Variants in GRIK2 observed in about 807,000 individuals in gnomAD.
The protein encoded by GRIK2 is glutamate ionotropic receptor kainate type subunit 2.
GRIK2 carries 32 observed loss-of-function variants against 100.3 expected under a neutral mutation model. The ratio of observed to expected loss-of-function variants is 0.32; its 90% CI spans 0.24 to 0.43. The LOEUF (loss-of-function observed/expected upper bound fraction) is 0.43. Ranked by LOEUF, GRIK2 falls within the 20% of genes least tolerant of loss-of-function variation. GRIK2 has a pLI of 1.00. For missense variants in GRIK2, 843 were observed against 1,114.9 expected, an observed-to-expected ratio of 0.76 and a Z score of 3.47; for synonymous variants, 417 against 389.4, an observed-to-expected ratio of 1.07 and a Z score of -0.83.
chr6:101,548,090 A>G (rs1582690466), intron 2 of GRIK2, among the ~76,000 whole-genome samples: 1 of 151,774 alleles, frequency 6.6e-6, no homozygotes, highest in African/African-American at 2.4e-5. Context: ...GCATTTTTTC[A>G]TGTGTCTTTT....
At chr6:101,920,547 C>T (rs1244152681) in intron 12 of GRIK2, among the ~76,000 whole-genome samples, 1 of 151,724 alleles carries the variant, frequency 6.6e-6, no homozygotes, top group Admixed American at 6.6e-5. Context: ...AAATACTGAG[C>T]GATAGTCATC....
intron 4 of GRIK2, among the ~76,000 whole-genome samples, chr6:101,650,354 G>A (rs867959477): frequency 1.9e-4 from 29 of 152,214 alleles, no homozygotes; most frequent in Admixed American, 1.2e-3. Flanking sequence ...ACCAATGTGA[G>A]GAAAAGGATA....
At chr6:101,763,774 T>C (rs535900616) in intron 7 of GRIK2, among the ~76,000 whole-genome samples, 1 of 152,298 alleles carries the variant, frequency 6.6e-6, no homozygotes, top group Non-Finnish European at 1.5e-5. Flanking sequence ...ATCTATATAG[T>C]CACATGGGAC....
At chr6:101,975,618 A>G (rs185291329) in intron 14 of GRIK2, among the ~76,000 whole-genome samples, 83 of 152,062 alleles carry the variant, frequency 5.5e-4, no homozygotes, top group Middle Eastern at 3.4e-3. Flanking sequence ...GACTTGAGGA[A>G]ATAGAAACAG....
intron 7 of GRIK2, among the ~76,000 whole-genome samples, chr6:101,759,395 G>C (rs368201804): frequency 8.1e-4 from 124 of 152,250 alleles, no homozygotes; most frequent in Admixed American, 4.9e-3. Flanking sequence ...CCCAAAGCTA[G>C]ATGTCTCTTT....
intron 7 of GRIK2, among the ~76,000 whole-genome samples, chr6:101,798,865 T>C (rs1373172458): frequency 6.6e-6 from 1 of 152,108 alleles, no homozygotes; most frequent in Non-Finnish European, 1.5e-5. Flanking sequence ...AACATTTTAT[T>C]TTTTTATCAT....
intron 2 of GRIK2, among the ~76,000 whole-genome samples, chr6:101,452,854 T>C (rs938341112): frequency 6.6e-6 from 1 of 151,882 alleles, no homozygotes; most frequent in Non-Finnish European, 1.5e-5. Flanking sequence ...ATGTTGTCCA[T>C]AGAAATATTC....
chr6:101,565,949 A>G (rs1582729453), intron 2 of GRIK2, among the ~76,000 whole-genome samples: 1 of 145,426 alleles, frequency 6.9e-6, no homozygotes, highest in South Asian at 2.1e-4. Context: ...ATATATATAT[A>G]TATATATATA....
intron 2 of GRIK2, among the ~76,000 whole-genome samples, chr6:101,407,424 T>A (rs1775650583): frequency 6.6e-6 from 1 of 152,118 alleles, no homozygotes; most frequent in Admixed American, 6.5e-5. Context: ...TTACCCTGGC[T>A]GCCAAAATTC....
At chr6:101,859,618 T>A in intron 11 of GRIK2, 125 bp downstream of exon 11, 1 of 638,202 alleles carries the variant, frequency 1.6e-6, no homozygotes, top group Non-Finnish European at 2.8e-6. Flanking sequence ...CCTTCAATAA[T>A]TTTATTTAAG....
At chr6:101,548,752 T>C (rs909870116) in intron 2 of GRIK2, among the ~76,000 whole-genome samples, 2 of 152,222 alleles carry the variant, frequency 1.3e-5, no homozygotes, top group South Asian at 2.1e-4. Flanking sequence ...GCTTAGGATC[T>C]GCCAGGAACT....
At chr6:101,545,455 G>A (rs532733344) in intron 2 of GRIK2, among the ~76,000 whole-genome samples, 1 of 152,240 alleles carries the variant, frequency 6.6e-6, no homozygotes, top group Admixed American at 6.5e-5. Flanking sequence ...TCTCTTTTAA[G>A]TTGTATGCAT....
chr6:101,815,997 G>A (rs1394673148), intron 9 of GRIK2, among the ~76,000 whole-genome samples: 1 of 152,098 alleles, frequency 6.6e-6, no homozygotes, highest in Admixed American at 6.6e-5. Context: ...AACCAATAAT[G>A]AAACTAGAGA....
At chr6:101,980,028 G>C (rs1319203547) in intron 14 of GRIK2, among the ~76,000 whole-genome samples, 1 of 151,948 alleles carries the variant, frequency 6.6e-6, no homozygotes, top group Non-Finnish European at 1.5e-5. Flanking sequence ...TGTCAGAGGG[G>C]CTTCTTTGAA....
intron 7 of GRIK2, among the ~76,000 whole-genome samples, chr6:101,716,530 C>T (rs1204925413): frequency 7.0e-6 from 1 of 141,948 alleles, no homozygotes; most frequent in East Asian, 2.1e-4. Context: ...CACTGACAAC[C>T]TATGGAGAGA....
chr6:101,617,236 C>A (rs1779931542), intron 2 of GRIK2, among the ~76,000 whole-genome samples: 1 of 151,668 alleles, frequency 6.6e-6, no homozygotes, highest in African/African-American at 2.4e-5. Context: ...AGTATCCAAG[C>A]ACTCAGATTA....
chr6:101,557,275 A>C (rs1776792797), intron 2 of GRIK2, among the ~76,000 whole-genome samples: 1 of 152,168 alleles, frequency 6.6e-6, no homozygotes, highest in Admixed American at 6.5e-5. Flanking sequence ...ACAGGTGATA[A>C]ATTTGACTCT....
chr6:101,558,762 A>C (rs1290816159), intron 2 of GRIK2, among the ~76,000 whole-genome samples: 2 of 150,956 alleles, frequency 1.3e-5, no homozygotes, highest in African/African-American at 4.9e-5. Context: ...GTTCTGTCCC[A>C]AGTGATATTG....
chr6:101,630,385 C>T (rs1780669221), intron 4 of GRIK2, among the ~76,000 whole-genome samples: 1 of 152,100 alleles, frequency 6.6e-6, no homozygotes, highest in South Asian at 2.1e-4. Flanking sequence ...ATTGTTTTGA[C>T]TTCTTAATAA....
Sources: allele counts gnomAD v4.1 joint callset (sites outside exome capture counted in the v4.1 genomes callset), GRCh38; gene constraint gnomAD v4.1.1; transcripts MANE v1.5; gene names NCBI Gene and HGNC (gene_info 2026-07-23, HGNC 2026-07-21).